Variants in CRYBA4 observed in about 807,000 individuals in gnomAD.
The protein encoded by CRYBA4 is crystallin beta A4, also known as beta-crystallin A4.
CRYBA4 carries 30 observed loss-of-function variants against 31.7 expected under a neutral mutation model. The ratio of observed to expected loss-of-function variants is 0.95; its 90% confidence interval spans 0.71 to 1.28. CRYBA4 has a LOEUF of 1.28. CRYBA4 is among the 50% of genes most tolerant of loss of function. CRYBA4 has a pLI of 0.00. For missense variants in CRYBA4, 225 were observed against 260.7 expected (o/e 0.86, Z 0.94); for synonymous variants, 102 against 102.3 (o/e 1.00, Z 0.02).
At chr22:26,625,981 G>A (rs1929692933) in intron 4 of CRYBA4, among the ~76,000 whole-genome samples, 1 of 152,114 alleles carries the variant, frequency 6.6e-6, no homozygotes, top group Admixed American at 6.5e-5. Flanking sequence ...GAGAGGAAAG[G>A]TTTCATTTCT....
At chr22:26,592,725 A>T in the CRYBA4 span, among the ~76,000 whole-genome samples, 14 of 152,184 alleles carry the variant, frequency 9.2e-5, no homozygotes, top group Non-Finnish European at 1.8e-4. Flanking sequence ...GGGGAAGGGC[A>T]TGGGGAGCCT....
At chr22:26,608,946 T>G in the CRYBA4 span, among the ~76,000 whole-genome samples, 1 of 152,214 alleles carries the variant, frequency 6.6e-6, no homozygotes, top group African/African-American at 2.4e-5. Context: ...TTCCTGGCTT[T>G]CCCAGTGAAG....
At chr22:26,626,842 A>G (rs1345756068) in intron 4 of CRYBA4, among the ~76,000 whole-genome samples, 2 of 152,206 alleles carry the variant, frequency 1.3e-5, no homozygotes, top group African/African-American at 4.8e-5. Context: ...CTATATCTGT[A>G]TAATCTATAT....
the CRYBA4 span, among the ~76,000 whole-genome samples, chr22:26,605,883 T>C: frequency 6.6e-6 from 1 of 152,028 alleles, no homozygotes; most frequent in Non-Finnish European, 1.5e-5. Flanking sequence ...ACCAGGACTG[T>C]GGCAGGGCAG....
At chr22:26,610,038 G>T in the CRYBA4 span, among the ~76,000 whole-genome samples, 3 of 77,626 alleles carry the variant, frequency 3.9e-5, no homozygotes, top group African/African-American at 5.6e-5. Flanking sequence ...CACTGATGTG[G>T]TCTTGCCACC....
the CRYBA4 span, chr22:26,602,044 A>AG: frequency 6.2e-7 from 1 of 1,612,498 alleles, no homozygotes; most frequent in Non-Finnish European, 8.5e-7. Flanking sequence ...AGGCCGGGTC[A>AG]GGTGTGTGAA....
At chr22:26,605,539 C>A in the CRYBA4 span, among the ~76,000 whole-genome samples, 6 of 151,748 alleles carry the variant, frequency 4.0e-5, no homozygotes, top group African/African-American at 7.3e-5. Flanking sequence ...CTGGGCGTGG[C>A]GGTGCACACC....
chr22:26,614,273 T>C, the CRYBA4 span, among the ~76,000 whole-genome samples: 2,239 of 152,304 alleles, frequency 0.015, 24 homozygotes, highest in Non-Finnish European at 0.021. Flanking sequence ...TGAAACTCCC[T>C]AATAAAAACT....
the CRYBA4 span, among the ~76,000 whole-genome samples, chr22:26,598,033 C>T: frequency 1.3e-5 from 2 of 152,144 alleles, no homozygotes; most frequent in Non-Finnish European, 2.9e-5. Flanking sequence ...CAGGCACCCG[C>T]CACCACAGCC....
the CRYBA4 span, among the ~76,000 whole-genome samples, chr22:26,605,692 A>AG: frequency 6.7e-6 from 1 of 148,804 alleles, no homozygotes; most frequent in African/African-American, 2.4e-5. Context: ...AAAAAAAAAA[A>AG]GGAAAATAGA....
chr22:26,630,587 G>A lies in CRYBA4; in HGVS notation c.*100G>A. The stretch of plus-strand genomic sequence containing the variant: ...CTCCTTCTGCCTCCCCCTGTAACCT[G>A]TGTGAACCCAGCACCCATGTGAACT... On this transcript the variant is annotated 3_prime_UTR_variant, in exon 6 of 6. Transcript: ENST00000354760. 9.6e-7 allele frequency: 1 copy of A among 1,043,390 alleles called. No individual in the cohort carries two copies. Among genetic ancestry groups the A allele is most frequent in the Non-Finnish European group, 1.4e-6 (1 of 697,692 alleles). 64.6% of individuals were successfully genotyped at this position (1,043,390 alleles called of 1,614,324 possible). A position where few individuals can be genotyped will look rare whatever the true frequency, so the allele number is the denominator to read the frequency against.
intron 1 of CRYBA4, 95 bp downstream of exon 1, chr22:26,622,081 T>C (rs1929547792): frequency 1.7e-6 from 1 of 573,170 alleles, no homozygotes; most frequent in Admixed American, 5.8e-5. Context: ...GGGATGTCAC[T>C]GTGTCATCCT....
intron 3 of CRYBA4, among the ~76,000 whole-genome samples, chr22:26,623,899 A>G (rs918427151): frequency 6.6e-6 from 1 of 152,146 alleles, no homozygotes; most frequent in South Asian, 2.1e-4. Flanking sequence ...CCTGTCTGCA[A>G]TGATGGAGAT....
At chr22:26,628,031 T>TTTTG (rs529632088) in intron 4 of CRYBA4, among the ~76,000 whole-genome samples, 2 of 152,198 alleles carry the variant, frequency 1.3e-5, no homozygotes, top group Non-Finnish European at 2.9e-5. Flanking sequence ...TGACTCCTTT[T>TTTTG]TTTGTTTGTT....
At chr22:26,592,268 A>G in the CRYBA4 span, among the ~76,000 whole-genome samples, 1 of 152,236 alleles carries the variant, frequency 6.6e-6, no homozygotes, top group Non-Finnish European at 1.5e-5. Context: ...CATTTGTTTA[A>G]TAACATTCTA....
chr22:26,598,488 A>G, the CRYBA4 span, among the ~76,000 whole-genome samples: 9 of 152,012 alleles, frequency 5.9e-5, no homozygotes, highest in Middle Eastern at 6.8e-3. Context: ...GCCTCAAGTG[A>G]TCCTGCCACC....
At chr22:26,611,952 G>A in the CRYBA4 span, 3 of 770,468 alleles carry the variant, frequency 3.9e-6, no homozygotes, top group African/African-American at 3.4e-5. Context: ...TGGACATAAT[G>A]TATGTGCCAG....
upstream of CRYBA4, among the ~76,000 whole-genome samples, chr22:26,621,532 G>A (rs1424855375): frequency 1.3e-5 from 2 of 152,182 alleles, no homozygotes; most frequent in Non-Finnish European, 2.9e-5. Context: ...AAAGGAATAG[G>A]CATTTCCTGA....
intron 4 of CRYBA4, among the ~76,000 whole-genome samples, chr22:26,627,524 C>CTTTCTT (rs1198741617): frequency 5.0e-4 from 31 of 62,170 alleles, no homozygotes; most frequent in African/African-American, 1.6e-3. Context: ...TTCTTTCTTT[C>CTTTCTT]TCTTTCTTTC....
Sources: gnomAD v4.1 joint callset for allele counts (sites outside exome capture counted in the v4.1 genomes callset) on GRCh38, gnomAD v4.1.1 for gene constraint, MANE v1.5 for transcripts, NCBI Gene and HGNC (gene_info 2026-07-23, HGNC 2026-07-21) for gene names.